Variants in FOXN3 observed in about 807,000 individuals in gnomAD.
The protein encoded by FOXN3 is forkhead box protein N3.
FOXN3 carries 7 observed loss-of-function variants against 38.4 expected under a neutral mutation model. The ratio of observed to expected loss-of-function variants is 0.18; its 90% CI spans 0.10 to 0.34. FOXN3 has a LOEUF of 0.34. Among genes scored for constraint, FOXN3 ranks in the 10% least tolerant of loss-of-function variants. The pLI, the probability that FOXN3 is intolerant of heterozygous loss-of-function variation, is 1.00. For missense variants in FOXN3, 456 were observed against 613.4 expected (o/e 0.74, Z 2.71); for synonymous variants, 230 against 242.2 (o/e 0.95, Z 0.47).
At chr14:89,506,275 T>TG (rs575209145) in intron 1 of FOXN3, among the ~76,000 whole-genome samples, 3 of 28,364 alleles carry the variant, frequency 1.1e-4, no homozygotes, top group African/African-American at 1.5e-4. Context: ...GGGAGGGAGG[T>TG]GGGGGGGTCA....
intron 4 of FOXN3, among the ~76,000 whole-genome samples, chr14:89,220,548 A>C (rs1352828058): frequency 6.6e-6 from 1 of 152,132 alleles, no homozygotes; most frequent in East Asian, 1.9e-4. Context: ...GGCTCTTTCC[A>C]TACTACCTAC....
intron 1 of FOXN3, among the ~76,000 whole-genome samples, chr14:89,584,167 A>T (rs375325692): frequency 1.8e-4 from 27 of 151,420 alleles, no homozygotes; most frequent in African/African-American, 5.3e-4. Flanking sequence ...CCCTAACACT[A>T]GGTAATTTAT....
rs557641147 is a variant in FOXN3, at chr14:89,410,812, G to T, written c.543+1122C>A. Among the ~76,000 whole-genome samples, 4 of 151,824 alleles carry T rather than the reference G, an allele frequency of 2.6e-5. No homozygotes were observed. The South Asian group carries it at 8.3e-4, about 32-fold the overall frequency. On this transcript the variant is annotated intron_variant, in intron 2 of 5. Transcript: ENST00000557258. ...CACTCAAGCCCAGGAGGTCAAAGCT[G>T]CAGTGGGCAGTGATCACACCATTGC...
At chr14:89,384,324 G>GAAACA (rs373902842) in intron 2 of FOXN3, among the ~76,000 whole-genome samples, 3 of 59,022 alleles carry the variant, frequency 5.1e-5, no homozygotes, top group Non-Finnish European at 1.7e-4. Context: ...TGCAGATATA[G>GAAACA]AAACTAAGCC....
chr14:89,404,073 G>T (rs1891320174), intron 2 of FOXN3, among the ~76,000 whole-genome samples: 1 of 152,108 alleles, frequency 6.6e-6, no homozygotes, highest in African/African-American at 2.4e-5. Flanking sequence ...GCACTTAGTA[G>T]GTACTTTAAA....
chr14:89,194,866 C>G (rs1226464402), intron 4 of FOXN3, among the ~76,000 whole-genome samples: 1 of 152,052 alleles, frequency 6.6e-6, no homozygotes, highest in African/African-American at 2.4e-5. Flanking sequence ...AAAACTAAGA[C>G]ACACACACAT....
chr14:89,580,681 G>A (rs1340377589), intron 1 of FOXN3, among the ~76,000 whole-genome samples: 2 of 152,150 alleles, frequency 1.3e-5, no homozygotes, highest in African/African-American at 2.4e-5. Flanking sequence ...TCTTGACCTG[G>A]TTTTATTTCT....
intron 3 of FOXN3, among the ~76,000 whole-genome samples, chr14:89,286,795 C>T (rs950629973): frequency 2.6e-5 from 4 of 152,112 alleles, no homozygotes; most frequent in Non-Finnish European, 4.4e-5. Context: ...TGGACAGAGA[C>T]GTGTGTGGGA....
intron 5 of FOXN3, among the ~76,000 whole-genome samples, chr14:89,166,961 C>T (rs979005135): frequency 6.6e-6 from 1 of 152,196 alleles, no homozygotes; most frequent in Non-Finnish European, 1.5e-5. Flanking sequence ...GAATTTCTAA[C>T]CACTTTCTTA....
At chr14:89,259,070 A>C (rs1323405434) in intron 4 of FOXN3, among the ~76,000 whole-genome samples, 1 of 152,348 alleles carries the variant, frequency 6.6e-6, no homozygotes, top group Admixed American at 6.5e-5. Flanking sequence ...GGCTTTGAAG[A>C]CTACAGATTC....
At chr14:89,187,229 G>A (rs914860023) in intron 4 of FOXN3, among the ~76,000 whole-genome samples, 11 of 152,218 alleles carry the variant, frequency 7.2e-5, no homozygotes, top group African/African-American at 2.7e-4. Flanking sequence ...AGCAGCCCAA[G>A]AGGTGAAAAC....
At chr14:89,503,970 T>C (rs1893856282) in intron 1 of FOXN3, among the ~76,000 whole-genome samples, 1 of 152,146 alleles carries the variant, frequency 6.6e-6, no homozygotes, top group Non-Finnish European at 1.5e-5. Context: ...TCTACATAGC[T>C]ACAAAGGAAA....
chr14:89,181,044 G>A (rs1887662145), intron 4 of FOXN3, among the ~76,000 whole-genome samples: 2 of 150,060 alleles, frequency 1.3e-5, no homozygotes, highest in South Asian at 2.1e-4. Flanking sequence ...AGACACGTAC[G>A]TACACCTGCA....
intron 1 of FOXN3, among the ~76,000 whole-genome samples, chr14:89,447,668 G>A (rs992612923): frequency 6.6e-5 from 10 of 151,884 alleles, no homozygotes; most frequent in African/African-American, 1.7e-4. Context: ...CCCAAGGGCC[G>A]CACAAAAAAA....
intron 1 of FOXN3, among the ~76,000 whole-genome samples, chr14:89,599,174 ATC>A (rs1896110382): frequency 6.6e-6 from 1 of 152,136 alleles, no homozygotes; most frequent in African/African-American, 2.4e-5. Flanking sequence ...CCTCAATTGC[ATC>A]TACTCTATTG....
intron 4 of FOXN3, among the ~76,000 whole-genome samples, chr14:89,198,158 G>T (rs8007081): frequency 0.51 from 78,024 of 152,080 alleles, 21,870 homozygotes; most frequent in African/African-American, 0.76. Context: ...ACTATGTAGT[G>T]AGATGATGGC....
chr14:89,339,175 C>T (rs111866811), intron 3 of FOXN3, among the ~76,000 whole-genome samples: 3 of 152,220 alleles, frequency 2.0e-5, no homozygotes, highest in African/African-American at 4.8e-5. Flanking sequence ...GGTTTTGCCA[C>T]GTTGGCCAGG....
At chr14:89,291,784 G>A (rs550319513) in intron 3 of FOXN3, among the ~76,000 whole-genome samples, 27 of 152,172 alleles carry the variant, frequency 1.8e-4, no homozygotes, top group Admixed American at 1.5e-3. Context: ...ACCTACGGCC[G>A]GATTTCTTAA....
At chr14:89,401,130 C>T (rs946379589) in intron 2 of FOXN3, among the ~76,000 whole-genome samples, 1 of 152,180 alleles carries the variant, frequency 6.6e-6, no homozygotes. Flanking sequence ...TTCATAAATA[C>T]AGAGTCCAAT....
Sources: gnomAD v4.1 joint callset for allele counts (sites outside exome capture counted in the v4.1 genomes callset) on GRCh38, gnomAD v4.1.1 for gene constraint, MANE v1.5 for transcripts, NCBI Gene and HGNC (gene_info 2026-07-23, HGNC 2026-07-21) for gene names.